FAF1: variants seen among roughly 807,000 people sequenced by gnomAD.
FAF1 encodes the protein FAS-associated factor 1.
A neutral mutation model predicts 92.5 loss-of-function variants in FAF1; 25 were observed. That is an observed-to-expected ratio of 0.27 (90% CI 0.20 to 0.38). FAF1 has a LOEUF of 0.38. Among genes scored for constraint, FAF1 ranks in the 10% least tolerant of loss-of-function variants. The pLI, the probability that FAF1 is intolerant of heterozygous loss-of-function variation, is 1.00. For missense variants in FAF1, 636 were observed against 793.3 expected (o/e 0.80, Z 2.38); for synonymous variants, 234 against 273.2 (o/e 0.86, Z 1.42).
intron 18 of FAF1, among the ~76,000 whole-genome samples, chr1:50,456,680 G>C (rs1646356440): frequency 2.0e-5 from 3 of 152,164 alleles, no homozygotes; most frequent in Non-Finnish European, 4.4e-5. Context: ...AACCATGCTA[G>C]GTCCTGGATT....
intron 1 of FAF1, among the ~76,000 whole-genome samples, chr1:50,953,206 A>G (rs1472625895): frequency 6.6e-6 from 1 of 152,068 alleles, no homozygotes; most frequent in South Asian, 2.1e-4. Flanking sequence ...ATGCTCCTTA[A>G]GAGTCATCAC....
intron 18 of FAF1, among the ~76,000 whole-genome samples, chr1:50,472,012 C>A (rs914418790): frequency 2.0e-5 from 3 of 151,956 alleles, no homozygotes; most frequent in Non-Finnish European, 2.9e-5. Context: ...GGAAGTGGCA[C>A]AGAGGAGGAA....
intron 1 of FAF1, among the ~76,000 whole-genome samples, chr1:50,916,139 G>C (rs1644917127): frequency 6.6e-6 from 1 of 152,092 alleles, no homozygotes; most frequent in Admixed American, 6.5e-5. Flanking sequence ...ATGAAAGACA[G>C]ACAAAAACAA....
At chr1:50,491,580 T>C (rs1048433629) in intron 16 of FAF1, 141 bp downstream of exon 16, 1 of 579,866 alleles carries the variant, frequency 1.7e-6, no homozygotes, top group East Asian at 2.9e-5. Flanking sequence ...TAACCATGGA[T>C]AGGATTATAT....
intron 18 of FAF1, among the ~76,000 whole-genome samples, chr1:50,461,758 A>G (rs1209563165): frequency 6.6e-6 from 1 of 151,668 alleles, no homozygotes; most frequent in Admixed American, 6.6e-5. Flanking sequence ...ATTGAACACC[A>G]CTCTCAATCT....
At chr1:50,471,278 T>C (rs568041243) in intron 18 of FAF1, 27 of 152,366 alleles carry the variant, frequency 1.8e-4, no homozygotes, top group African/African-American at 6.3e-4. Flanking sequence ...GCCATTGTTT[T>C]TCTTCACTGT....
intron 4 of FAF1, among the ~76,000 whole-genome samples, chr1:50,758,412 C>T (rs760205427): frequency 1.6e-4 from 24 of 152,228 alleles, no homozygotes; most frequent in African/African-American, 2.2e-4. Context: ...ATCTGTCTTA[C>T]GACAGAATAC....
At chr1:50,602,894 G>A (rs1652212308) in intron 8 of FAF1, among the ~76,000 whole-genome samples, 1 of 152,072 alleles carries the variant, frequency 6.6e-6, no homozygotes, top group African/African-American at 2.4e-5. Context: ...ACTATTAAGA[G>A]CTCAGTATGT....
intron 1 of FAF1, among the ~76,000 whole-genome samples, chr1:50,955,795 T>A (rs1007936217): frequency 6.6e-6 from 1 of 152,210 alleles, no homozygotes; most frequent in Non-Finnish European, 1.5e-5. Flanking sequence ...CAATGGAACA[T>A]TATTTAGCCT....
chr1:50,590,170 A>G (rs777831746), intron 9 of FAF1, among the ~76,000 whole-genome samples: 6 of 152,160 alleles, frequency 3.9e-5, no homozygotes, highest in Non-Finnish European at 7.4e-5. Context: ...ATTCCATATG[A>G]ATTTTTGGAT....
chr1:50,672,543 A>G (rs940571807), intron 7 of FAF1, among the ~76,000 whole-genome samples: 12 of 152,122 alleles, frequency 7.9e-5, no homozygotes, highest in African/African-American at 1.4e-4. Flanking sequence ...TCGACCTACC[A>G]AAGTGCTGGG....
chr1:50,561,719 G>A (rs3789582), intron 13 of FAF1, among the ~76,000 whole-genome samples: 10,003 of 152,112 alleles, frequency 0.066, 401 homozygotes, highest in East Asian at 0.092. Flanking sequence ...CCAGCTACTC[G>A]GGAGGCTGAG....
intron 1 of FAF1, among the ~76,000 whole-genome samples, chr1:50,860,156 A>T (rs1176064018): frequency 6.6e-6 from 1 of 151,968 alleles, no homozygotes; most frequent in Non-Finnish European, 1.5e-5. Flanking sequence ...AAGAATCTAG[A>T]AGAAAACCTA....
chr1:50,500,746 T>A (rs930632003), intron 15 of FAF1, among the ~76,000 whole-genome samples: 1 of 151,956 alleles, frequency 6.6e-6, no homozygotes, highest in Non-Finnish European at 1.5e-5. Context: ...GTGTACCCCA[T>A]AAATATGTAC....
intron 3 of FAF1, among the ~76,000 whole-genome samples, chr1:50,788,516 G>C (rs1325427179): frequency 6.6e-6 from 1 of 152,082 alleles, no homozygotes. Flanking sequence ...GGTAAATTAA[G>C]AACAGTGTCT....
At chr1:50,722,988 T>A (rs144090696) in intron 6 of FAF1, among the ~76,000 whole-genome samples, 1 of 152,186 alleles carries the variant, frequency 6.6e-6, no homozygotes, top group African/African-American at 2.4e-5. Context: ...AGAGCTCTCA[T>A]GGATGTGACT....
intron 18 of FAF1, chr1:50,451,792 C>G (rs1646296612): frequency 1.0e-6 from 1 of 977,360 alleles, no homozygotes; most frequent in Non-Finnish European, 1.2e-6. Context: ...AAAGAACTTA[C>G]CCAAGTTTAT....
At chr1:50,878,957 C>A (rs907972567) in intron 1 of FAF1, among the ~76,000 whole-genome samples, 2 of 152,116 alleles carry the variant, frequency 1.3e-5, no homozygotes, top group Non-Finnish European at 2.9e-5. Flanking sequence ...ATAAGTGAAT[C>A]AGATTAGGGC....
At chr1:50,952,519 C>T (rs1221566919) in intron 1 of FAF1, among the ~76,000 whole-genome samples, 2 of 152,240 alleles carry the variant, frequency 1.3e-5, no homozygotes, top group African/African-American at 4.8e-5. Flanking sequence ...CAGCCTCTGC[C>T]TGGCCGCCAC....
Sources: gnomAD v4.1 joint callset for allele counts (sites outside exome capture counted in the v4.1 genomes callset) on GRCh38, gnomAD v4.1.1 for gene constraint, MANE v1.5 for transcripts, NCBI Gene and HGNC (gene_info 2026-07-23, HGNC 2026-07-21) for gene names.